The following ZNF853 variants were observed in gnomAD, a reference collection of about 807,000 sequenced individuals.
The protein encoded by ZNF853 is zinc finger protein 853.
Under a neutral mutation model 94.7 loss-of-function variants are expected in ZNF853, and 57 were observed. That is an observed-to-expected ratio of 0.60 (90% CI 0.49 to 0.75). The LOEUF (loss-of-function observed/expected upper bound fraction) is 0.75. Among genes scored for constraint, ZNF853 ranks in the 30% least tolerant of loss-of-function variants. The pLI, the probability that ZNF853 is intolerant of heterozygous loss-of-function variation, is 0.00. For missense variants in ZNF853, 785 were observed against 868.9 expected, an observed-to-expected ratio of 0.90 and a Z score of 1.21; for synonymous variants, 448 against 406.3, an observed-to-expected ratio of 1.10 and a Z score of -1.23.
intron 1 of ZNF853, 98 bp from the exon 2 acceptor site, chr7:6,617,092 C>T: frequency 9.0e-6 from 8 of 892,056 alleles, no homozygotes; most frequent in Non-Finnish European, 1.3e-5. Context: ...CTCTGGGTGG[C>T]CCGAGGCAGA....
rs1006145655 is a variant in ZNF853, at chr7:6,621,500, TGCAGCA to T, written c.517_522del (p.Gln173_Gln174del). 3.2e-6 allele frequency: 5 copies of T among 1,551,738 alleles called. No individual in the cohort carries two copies. The Admixed American group carries it at 7.8e-5, about 24-fold the overall frequency. On this transcript the variant is annotated inframe_deletion, in exon 3 of 3. Transcript: ENST00000457543. ...CAGCAAGTGCAAGAGCAACAGCGGT[TGCAGCA>T]GCAGCAGGAGCAGTTACAGACGCAG...
In ZNF853 at chr7:6,621,246, A is replaced by T; in HGVS notation, c.255A>T (p.Gly85=). The change falls in exon 3 of 3, where the codon GGA becomes GGT. Residue 85 remains glycine, a synonymous_variant. Coordinates refer to ENST00000457543, the MANE Select transcript of ZNF853 (RefSeq NM_017560.3). ...AAATCGCTGAGGAAACCCGGCCGGGACAACGAGAGTTGCAACTGCAGCAGT... is the reference window on the plus strand; with the variant it reads ...AAATCGCTGAGGAAACCCGGCCGGGTCAACGAGAGTTGCAACTGCAGCAGT... ...ASEIAEETRP[G]QRELQLQQLE... 1 of 1,548,804 alleles carries T rather than the reference A, an allele frequency of 6.5e-7. No individual in the cohort carries two copies. Among genetic ancestry groups the T allele is most frequent in the Non-Finnish European group, 8.7e-7 (1 of 1,145,200 alleles).
chr7:6,619,622 A>C, intron 2 of ZNF853, among the ~76,000 whole-genome samples: 2 of 152,098 alleles, frequency 1.3e-5, no homozygotes, highest in Non-Finnish European at 2.9e-5. Flanking sequence ...CCAGAAAGCA[A>C]ACTTTTATAA....
rs1782672112 is a variant in ZNF853 at position 6,623,052 on chromosome 7, G to T, written c.*81G>T. On this transcript the variant is annotated 3_prime_UTR_variant, in exon 3 of 3. Transcript: ENST00000457543. ...AAAAGCTCCTTGACCCGGGTTCATG[G>T]GCGCTGGAGGCGTCCTGGAATATCC... The T allele has an allele frequency of 2.6e-6, 3 of 1,163,500 alleles. No individual in the cohort carries two copies. The highest frequency in any genetic ancestry group is 8.6e-5 in the South Asian group (2 of 23,324). 72.1% of individuals were successfully genotyped at this position (1,163,500 alleles called of 1,614,324 possible). A position where few individuals can be genotyped will look rare whatever the true frequency, so the allele number is the denominator to read the frequency against.
In ZNF853 at chr7:6,622,782, C is replaced by T. The variant is rs756673621; in HGVS notation, c.1791C>T (p.Tyr597=). 3.5e-5 allele frequency: 54 copies of T among 1,540,344 alleles called. No individual in the cohort carries two copies. Among genetic ancestry groups the T allele is most frequent in the African/African-American group, 6.8e-5 (5 of 73,086 alleles). ...GCACGCACTCGGGCGAGCGGCCCTA[C>T]GTGTGCGAGGACTGTGGCGAGCGCT... ...HRRTHSGERP[Y]VCEDCGERFR... The change falls in exon 3 of 3, where the codon TAC becomes TAT. Residue 597 remains tyrosine, a synonymous_variant. Coordinates refer to ENST00000457543, the MANE Select transcript of ZNF853 (RefSeq NM_017560.3).
Position 6,622,767 on chromosome 7 carries a change from G to C in ZNF853, c.1776G>C (p.Ser592=). 6.5e-7 allele frequency: 1 copy of C among 1,545,608 alleles called. No individual in the cohort carries two copies. Among genetic ancestry groups the C allele is most frequent in the Non-Finnish European group, 8.7e-7 (1 of 1,148,674 alleles). Reference sequence around the variant, plus strand: ...TGCTGCGCCACCGGCGCACGCACTCGGGCGAGCGGCCCTACGTGTGCGAGG... The same window carrying C: ...TGCTGCGCCACCGGCGCACGCACTCCGGCGAGCGGCCCTACGTGTGCGAGG... ...SNLLRHRRTH[S]GERPYVCEDC... The change falls in exon 3 of 3, where the codon TCG becomes TCC. Residue 592 remains serine (S), a synonymous_variant. Coordinates refer to ENST00000457543, the MANE Select transcript of ZNF853 (RefSeq NM_017560.3).
chr7:6,622,252 G>T lies in ZNF853; in HGVS notation c.1261G>T (p.Gly421Cys). The change falls in exon 3 of 3, where the codon GGC becomes TGC. Residue 421 changes from glycine (G) to cysteine (C), a missense_variant. Physicochemically the swap from Gly to Cys is radical, Grantham distance 159. Coordinates refer to ENST00000457543, the MANE Select transcript of ZNF853 (RefSeq NM_017560.3). ...LQLELVPAAG[G>C]GGAAVPGAPA... is the part of the protein sequence containing the mutation. The stretch of plus-strand genomic sequence containing the variant: ...GCTGGAACTGGTGCCAGCCGCAGGG[G>T]GCGGCGGAGCGGCGGTCCCGGGGGC... 3 of 1,519,134 alleles carry T rather than the reference G, an allele frequency of 2.0e-6. No homozygotes were observed. Among genetic ancestry groups the T allele is most frequent in the Non-Finnish European group, 2.6e-6 (3 of 1,138,182 alleles). The allele number at this position is 1,519,134 out of a possible 1,614,324, so 94.1% of individuals were successfully genotyped here.
chr7:6,618,991 T>G, intron 2 of ZNF853, among the ~76,000 whole-genome samples: 2 of 151,966 alleles, frequency 1.3e-5, no homozygotes, highest in African/African-American at 4.8e-5. Flanking sequence ...TAGGAATATT[T>G]TACTAGAGGA....
In ZNF853 at chr7:6,622,941, A is replaced by G. The variant is rs1335866114; in HGVS notation, c.1950A>G (p.Thr650=). 8.8e-6 allele frequency: 11 copies of G among 1,252,436 alleles called. No individual in the cohort carries two copies. The highest frequency in any genetic ancestry group is 1.1e-5 in the Non-Finnish European group (11 of 1,000,996). 77.6% of individuals were successfully genotyped at this position (1,252,436 alleles called of 1,614,324 possible). ...GGPARAEQAA[T]ATAPADKAL ...CAGCCCGCGCGGAGCAGGCCGCTAC[A>G]GCCACTGCGCCCGCAGACAAGGCGC... Residue 650 remains threonine (T), a synonymous_variant, in exon 3 of 3, where the codon ACA becomes ACG. Transcript: ENST00000457543.
At chr7:6,620,049 A>G in intron 2 of ZNF853, among the ~76,000 whole-genome samples, 1 of 152,200 alleles carries the variant, frequency 6.6e-6, no homozygotes, top group African/African-American at 2.4e-5. Flanking sequence ...GGCTCCAGGT[A>G]CTATGCCAGG....
Position 6,622,837 on chromosome 7 carries a change from G to A in ZNF853, c.1846G>A (p.Glu616Lys). The change falls in exon 3 of 3, where the codon GAG becomes AAG. Residue 616 changes from glutamate (E) to lysine (K), a missense_variant. Transcript: ENST00000457543. ...FRHKVQIRRH[E>K]RQLHGAGRSR... ...ACACAAGGTGCAGATCCGCCGCCAC[G>A]AGCGCCAGCTGCACGGCGCGGGCCG... 1.3e-6 allele frequency: 2 copies of A among 1,518,488 alleles called. No homozygotes were observed. The highest frequency in any genetic ancestry group is 1.2e-5 in the South Asian group (1 of 83,016). 94.1% of individuals were successfully genotyped at this position (1,518,488 alleles called of 1,614,324 possible).
Position 6,622,304 on chromosome 7 carries a change from C to G in ZNF853, c.1313C>G (p.Pro438Arg). 6.6e-7 allele frequency: 1 copy of G among 1,508,220 alleles called. No homozygotes were observed. The highest frequency in any genetic ancestry group is 8.8e-7 in the Non-Finnish European group (1 of 1,135,188). The allele number at this position is 1,508,220 out of a possible 1,614,324, so 93.4% of individuals were successfully genotyped here. A position where few individuals can be genotyped will look rare whatever the true frequency, so the allele number is the denominator to read the frequency against. ...GAPAAVVVAP[P>R]GYVVVQELMV... ...CCGGCCGCGGTCGTGGTGGCTCCCCCGGGCTACGTGGTGGTGCAGGAGCTC... is the reference window on the plus strand; with the variant it reads ...CCGGCCGCGGTCGTGGTGGCTCCCCGGGGCTACGTGGTGGTGCAGGAGCTC... Residue 438 changes from proline to arginine, a missense_variant, in exon 3 of 3, where the codon CCG becomes CGG. Physicochemically the swap from Pro to Arg is moderately radical, Grantham distance 103 (BLOSUM62 -2). Coordinates refer to ENST00000457543, the MANE Select transcript of ZNF853 (RefSeq NM_017560.3).
rs1782670791 is a variant in ZNF853 at position 6,623,016 on chromosome 7, G to A, written c.*45G>A. The A allele has an allele frequency of 8.9e-6, 11 of 1,237,174 alleles. No homozygotes were observed. Among genetic ancestry groups the A allele is most frequent in the South Asian group, 3.8e-5 (1 of 26,008 alleles). The allele number at this position is 1,237,174 out of a possible 1,614,324, so 76.6% of individuals were successfully genotyped here. A position where few individuals can be genotyped will look rare whatever the true frequency, so the allele number is the denominator to read the frequency against. On this transcript the variant is annotated 3_prime_UTR_variant, in exon 3 of 3. Coordinates refer to ENST00000457543, the MANE Select transcript of ZNF853 (RefSeq NM_017560.3). ...CTGGCCGGGAGGGGACCCCCCACCC[G>A]CCTCCACCTGAAAAGCTCCTTGACC...
rs549909661 is a variant in ZNF853 at position 6,621,242 on chromosome 7, C to T, written c.251C>T (p.Pro84Leu). 3.5e-4 allele frequency: 539 copies of T among 1,547,716 alleles called. No homozygotes were observed. Among genetic ancestry groups the T allele is most frequent in the Non-Finnish European group, 4.6e-4 (524 of 1,144,624 alleles). The change falls in exon 3 of 3, where the codon CCG becomes CTG. Residue 84 changes from proline to leucine, a missense_variant. By Grantham distance (98) the Pro-to-Leu change is moderately conservative (BLOSUM62 -3). Coordinates refer to ENST00000457543, the MANE Select transcript of ZNF853 (RefSeq NM_017560.3). ...GASEIAEETR[P>L]GQRELQLQQL... is the part of the protein sequence containing the mutation. ...AGTGAAATCGCTGAGGAAACCCGGC[C>T]GGGACAACGAGAGTTGCAACTGCAG...
Position 6,616,279 on chromosome 7 carries a change from A to G in ZNF853, c.12+93A>G. On this transcript the variant is annotated intron_variant, in intron 1 of 2. Transcript: ENST00000457543. ...TGGCACGAGTCGGCCTGTTTAGGGG[A>G]GAGGGGCCAGCTCTGCACGGGCCAG... The G allele has an allele frequency of 4.6e-6, 6 of 1,317,514 alleles. No homozygotes were observed. In the East Asian group the frequency reaches 1.3e-4, roughly 29 times the overall value. 81.6% of individuals were successfully genotyped at this position (1,317,514 alleles called of 1,614,324 possible).
Position 6,622,213 on chromosome 7 carries a change from C to A in ZNF853, c.1222C>A (p.Gln408Lys). The A allele has an allele frequency of 6.5e-7, 1 of 1,535,584 alleles. No individual in the cohort carries two copies. The highest frequency in any genetic ancestry group is 8.7e-7 in the Non-Finnish European group (1 of 1,144,994). Reference sequence around the variant, plus strand: ...GGTGCAGCTGGAGCTGACCCCCGTGCAGCCGGAGCTGCAGCTGGAACTGGT... The same window carrying A: ...GGTGCAGCTGGAGCTGACCCCCGTGAAGCCGGAGCTGCAGCTGGAACTGGT... ...QEVQLELTPV[Q>K]PELQLELVPA... Residue 408 changes from glutamine to lysine, a missense_variant, in exon 3 of 3, where the codon CAG (glutamine) becomes AAG (lysine). Physicochemically the swap from Gln to Lys is moderately conservative, Grantham distance 53. Transcript: ENST00000457543.
intron 1 of ZNF853, among the ~76,000 whole-genome samples, chr7:6,616,743 A>G: frequency 6.6e-6 from 1 of 151,798 alleles, no homozygotes; most frequent in African/African-American, 2.4e-5. Context: ...TCAAGAAAAA[A>G]AAAAAAAAGT....
Position 6,623,200 on chromosome 7 carries a change from T to C in ZNF853, c.*229T>C, listed in dbSNP as rs1218777455. The C allele has an allele frequency of 2.4e-6, 1 of 424,176 alleles. No homozygotes were observed. The highest frequency in any genetic ancestry group is 2.0e-5 in the African/African-American group (1 of 49,098). The allele number at this position is 424,176 out of a possible 1,614,324, so 26.3% of individuals were successfully genotyped here. A position where few individuals can be genotyped will look rare whatever the true frequency, so the allele number is the denominator to read the frequency against. On this transcript the variant is annotated 3_prime_UTR_variant, in exon 3 of 3. Transcript: ENST00000457543. ...CGCCAAAAGAGAAGTGGACCGGGGC[T>C]GAAACAGCACACGGGACACGTTTGT...
chr7:6,622,902 G>T lies in ZNF853; in HGVS notation c.1911G>T (p.Ala637=). 1 of 1,244,632 alleles carries T rather than the reference G, an allele frequency of 8.0e-7. No homozygotes were observed. Among genetic ancestry groups the T allele is most frequent in the East Asian group, 3.4e-5 (1 of 29,510 alleles). The allele number at this position is 1,244,632 out of a possible 1,614,324, so 77.1% of individuals were successfully genotyped here. Residue 637 remains alanine (A), a synonymous_variant, in exon 3 of 3, where the codon GCG becomes GCT. Coordinates refer to ENST00000457543, the MANE Select transcript of ZNF853 (RefSeq NM_017560.3). ...GLGLLRASRP[A]ALGGPARAEQ... is the part of the protein sequence containing the mutation. ...GCCTGCTGCGCGCCTCGCGGCCGGCGGCCCTCGGTGGCCCAGCCCGCGCGG... is the reference window on the plus strand; with the variant it reads ...GCCTGCTGCGCGCCTCGCGGCCGGCTGCCCTCGGTGGCCCAGCCCGCGCGG...
Sources: gnomAD v4.1 joint callset for allele counts (sites outside exome capture counted in the v4.1 genomes callset) on GRCh38, gnomAD v4.1.1 for gene constraint, MANE v1.5 for transcripts, NCBI Gene and HGNC (gene_info 2026-07-23, HGNC 2026-07-21) for gene names.